ZNF197: variants seen among roughly 807,000 people sequenced by gnomAD.
ZNF197 encodes the protein zinc finger protein 197, also known as VHL-associated KRAB-A domain-containing protein.
In ZNF197, 14 loss-of-function variants were observed where a neutral mutation model predicts 27.4. That is an observed-to-expected ratio of 0.51 (90% CI 0.34 to 0.80). The LOEUF (loss-of-function observed/expected upper bound fraction) is 0.80, where lower values mean the gene tolerates loss of function less well. Among genes scored for constraint, ZNF197 ranks in the 30% least tolerant of loss-of-function variants. The pLI is 0.02. For synonymous variants in ZNF197, 415 were observed against 420.0 expected (o/e 0.99, Z 0.15); for missense variants, 1,090 against 1,222.6 (o/e 0.89, Z 1.62).
chr3:44,638,755 G>C (rs982409695), intron 5 of ZNF197, among the ~76,000 whole-genome samples: 4 of 152,162 alleles, frequency 2.6e-5, no homozygotes, highest in African/African-American at 9.7e-5. Flanking sequence ...GTGCAGTGGC[G>C]TGATCACGGC....
rs762482952 is a variant in ZNF197, at chr3:44,641,922, TGAG to T, written c.797_799del (p.Glu266del). ...CAGAATGGGAGACCATGACCGAGAA[TGAG>T]GAGGTGACATCAAAGCCAAGTAGTT... On this transcript the variant is annotated inframe_deletion, in exon 6 of 6. Transcript: ENST00000344387. 2.5e-6 allele frequency: 4 copies of T among 1,598,470 alleles called. No homozygotes were observed. Among genetic ancestry groups the T allele is most frequent in the Non-Finnish European group, 1.7e-6 (2 of 1,173,168 alleles).
Position 44,644,357 on chromosome 3 carries a change from G to C in ZNF197, c.*137G>C. 3 of 1,409,656 alleles carry C rather than the reference G, an allele frequency of 2.1e-6. No homozygotes were observed. In the South Asian group the frequency reaches 5.0e-5, roughly 24 times the overall value. The allele number at this position is 1,409,656 out of a possible 1,614,324, so 87.3% of individuals were successfully genotyped here. A position where few individuals can be genotyped will look rare whatever the true frequency, so the allele number is the denominator to read the frequency against. On this transcript the variant is annotated 3_prime_UTR_variant, in exon 6 of 6. Coordinates refer to ENST00000344387, the MANE Select transcript of ZNF197 (RefSeq NM_006991.5). The stretch of plus-strand genomic sequence containing the variant: ...AGTAGCATATAGAAGAAAGTTAATA[G>C]GCCGGGCTTGGTGGCTCATGCCTGT...
Position 44,646,491 on chromosome 3 carries a change from G to A in ZNF197, c.*2271G>A, listed in dbSNP as rs1322542356. ...CAAGCTTCTTGGACCTCATTGCCAG[G>A]TTACAGGAAATACAGGAGGCAGAGG... On this transcript the variant is annotated 3_prime_UTR_variant, in exon 6 of 6. Coordinates refer to ENST00000344387, the MANE Select transcript of ZNF197 (RefSeq NM_006991.5). 1.3e-6 allele frequency: 2 copies of A among 1,598,716 alleles called. No homozygotes were observed. The highest frequency in any genetic ancestry group is 4.5e-5 in the East Asian group (2 of 44,786).
chr3:44,643,034 C>T lies in ZNF197; in HGVS notation c.1904C>T (p.Ala635Val). The part of the protein sequence containing the change: ...TECGKAFTQS[A>V]YLFDHQRLHN... ...TGTGGGAAAGCCTTTACTCAAAGTG[C>T]TTACCTTTTTGACCACCAGAGACTC... The change falls in exon 6 of 6, where the codon GCT (alanine) becomes GTT (valine). Residue 635 changes from alanine (A) to valine (V), a missense_variant. Coordinates refer to ENST00000344387, the MANE Select transcript of ZNF197 (RefSeq NM_006991.5). 1.9e-6 allele frequency: 3 copies of T among 1,613,888 alleles called. No individual in the cohort carries two copies. Among genetic ancestry groups the T allele is most frequent in the Non-Finnish European group, 1.7e-6 (2 of 1,179,956 alleles).
chr3:44,631,439 C>T (rs545755984), intron 3 of ZNF197, among the ~76,000 whole-genome samples: 3 of 150,746 alleles, frequency 2.0e-5, no homozygotes, highest in African/African-American at 2.4e-5. Flanking sequence ...CTCGCTCTGT[C>T]GCCCAGGCTG....
chr3:44,645,000 G>T lies in ZNF197; in HGVS notation c.*780G>T. On this transcript the variant is annotated 3_prime_UTR_variant, in exon 6 of 6. Coordinates refer to ENST00000344387, the MANE Select transcript of ZNF197 (RefSeq NM_006991.5). ...CAGACAGTATGATCCAGAATGTCAG[G>T]TGTGGAGTTGGGCGGACAAGAGTCT... The T allele has an allele frequency of 1.0e-6, 1 of 985,472 alleles. No homozygotes were observed. The highest frequency in any genetic ancestry group is 4.7e-5 in the South Asian group (1 of 21,290). The allele number at this position is 985,472 out of a possible 1,614,324, so 61.0% of individuals were successfully genotyped here.
chr3:44,625,879 CTG>C (rs748422830), intron 1 of ZNF197, among the ~76,000 whole-genome samples: 2 of 152,070 alleles, frequency 1.3e-5, no homozygotes, highest in East Asian at 1.9e-4. Flanking sequence ...TGTTTGGAAA[CTG>C]TTGTTTTAGA....
intron 1 of ZNF197, 54 bp downstream of exon 1, chr3:44,625,197 C>G (rs1418615475): frequency 2.0e-5 from 3 of 152,228 alleles, no homozygotes; most frequent in Non-Finnish European, 4.4e-5. Context: ...CGGCCCGGGA[C>G]GCGGGCCTGA....
At chr3:44,632,264 C>A in intron 4 of ZNF197, 68 bp downstream of exon 4, 1 of 1,571,786 alleles carries the variant, frequency 6.4e-7, no homozygotes, top group South Asian at 1.1e-5. Flanking sequence ...CCTCTCTCAT[C>A]CTTGTGCTTC....
chr3:44,644,051 C>G lies in ZNF197; in HGVS notation c.2921C>G (p.Thr974Ser). The G allele has an allele frequency of 6.2e-7, 1 of 1,614,082 alleles. No individual in the cohort carries two copies. The highest frequency in any genetic ancestry group is 2.2e-5 in the East Asian group (1 of 44,868). The change falls in exon 6 of 6, where the codon ACT becomes AGT. Residue 974 changes from threonine (T) to serine (S), a missense_variant. Transcript: ENST00000344387. Reference sequence around the variant, plus strand: ...GTTTTTAGGCAAAGAAAAAACCTTACTGTACATCAGAAAATCCACACAGAT... The same window carrying G: ...GTTTTTAGGCAAAGAAAAAACCTTAGTGTACATCAGAAAATCCACACAGAT... ...SKVFRQRKNL[T>S]VHQKIHTDEK...
chr3:44,631,406 C>G (rs1197297722), intron 3 of ZNF197, among the ~76,000 whole-genome samples, 185 bp downstream of exon 3: 1 of 151,864 alleles, frequency 6.6e-6, no homozygotes, highest in Non-Finnish European at 1.5e-5. Flanking sequence ...ATACATCCCC[C>G]CTTTTTTTTT....
At chr3:44,638,766 T>C (rs958591134) in intron 5 of ZNF197, among the ~76,000 whole-genome samples, 3 of 152,234 alleles carry the variant, frequency 2.0e-5, no homozygotes, top group African/African-American at 7.2e-5. Context: ...TGATCACGGC[T>C]CACTACATCC....
At position 44,645,672 on chromosome 3, in the gene ZNF197, T is replaced by G. The variant is rs1269902923; in HGVS notation, c.*1452T>G. The G allele has an allele frequency of 2.0e-6, 2 of 985,446 alleles. No homozygotes were observed. The highest frequency in any genetic ancestry group is 2.4e-6 in the Non-Finnish European group (2 of 829,942). The allele number at this position is 985,446 out of a possible 1,614,324, so 61.0% of individuals were successfully genotyped here. On this transcript the variant is annotated 3_prime_UTR_variant, in exon 6 of 6. Transcript: ENST00000344387. ...AGCTGATGATCCCTGCCACAGTCAT[T>G]GTGAATTCTAATCAATATTTCATCA...
rs1702680288 is a variant in ZNF197 at position 44,642,614 on chromosome 3, C to G, written c.1484C>G (p.Ala495Gly). 6.2e-7 allele frequency: 1 copy of G among 1,613,912 alleles called. No individual in the cohort carries two copies. The stretch of plus-strand genomic sequence containing the variant: ...TGTGGGAAAGTCTTCTCTCAGAATG[C>G]TTACCTCATTGACCATCAGAGGCTC... ...NECGKVFSQN[A>G]YLIDHQRLHK... is the part of the protein sequence containing the mutation. The change falls in exon 6 of 6, where the codon GCT becomes GGT. Residue 495 changes from alanine (A) to glycine (G), a missense_variant. By Grantham distance (60) the Ala-to-Gly change is moderately conservative (BLOSUM62 0). Transcript: ENST00000344387.
At chr3:44,633,883 G>C (rs764812785) in intron 5 of ZNF197, among the ~76,000 whole-genome samples, 3 of 152,004 alleles carry the variant, frequency 2.0e-5, no homozygotes, top group Non-Finnish European at 4.4e-5. Flanking sequence ...AGTACTTTTT[G>C]TTTGTGTTAA....
In ZNF197 at chr3:44,640,079, T is replaced by C. The variant is rs76300291; in HGVS notation, c.770-1821T>C. ...TCAGTGGTAGGAAAGCCTGTGTCTC[T>C]TTCTTGCAGGCTTCATTCACCAAAG... On this transcript the variant is annotated intron_variant, in intron 5 of 5. Coordinates refer to ENST00000344387, the MANE Select transcript of ZNF197 (RefSeq NM_006991.5). This position sits in a 1 kb window ranked among gnomAD's most constrained non-coding sequence, Gnocchi z 4.0. Among the ~76,000 whole-genome samples, 1,340 of 152,306 alleles carry C rather than the reference T, an allele frequency of 8.8e-3. 22 individuals carry two copies. Among genetic ancestry groups the C allele is most frequent in the African/African-American group, 0.031 (1,282 of 41,556 alleles).
Position 44,646,618 on chromosome 3 carries a change from A to G in ZNF197, c.*2398A>G, listed in dbSNP as rs1702974061. 7.7e-6 allele frequency: 6 copies of G among 779,130 alleles called. No individual in the cohort carries two copies. The highest frequency in any genetic ancestry group is 1.4e-5 in the Non-Finnish European group (6 of 443,488). The allele number at this position is 779,130 out of a possible 1,614,324, so 48.3% of individuals were successfully genotyped here. A position where few individuals can be genotyped will look rare whatever the true frequency, so the allele number is the denominator to read the frequency against. ...TCAAAATATTATTATGATGAAAAAGAGAGGGGAGTGAAAATTGTTCAAGCT... is the reference window on the plus strand; with the variant it reads ...TCAAAATATTATTATGATGAAAAAGGGAGGGGAGTGAAAATTGTTCAAGCT... On this transcript the variant is annotated 3_prime_UTR_variant, in exon 6 of 6. Coordinates refer to ENST00000344387, the MANE Select transcript of ZNF197 (RefSeq NM_006991.5).
At position 44,631,848 on chromosome 3, in the gene ZNF197, G is replaced by C. The variant is rs576159140; in HGVS notation, c.551-257G>C. Among the ~76,000 whole-genome samples the C allele has an allele frequency of 2.5e-3, 386 of 152,018 alleles. 2 individuals are homozygous for C. Among genetic ancestry groups the C allele is most frequent in the Non-Finnish European group, 4.7e-3 (319 of 67,978 alleles). On this transcript the variant is annotated intron_variant, in intron 3 of 5. Coordinates refer to ENST00000344387, the MANE Select transcript of ZNF197 (RefSeq NM_006991.5). Reference sequence around the variant, plus strand: ...CCCGAGTACCTGGGACTACAGGCACGTGCCACCACGCCCAGCTAATTTTTT... The same window carrying C: ...CCCGAGTACCTGGGACTACAGGCACCTGCCACCACGCCCAGCTAATTTTTT...
rs1702926911 is a variant in ZNF197, at chr3:44,645,864, G to A, written c.*1644G>A. On this transcript the variant is annotated 3_prime_UTR_variant, in exon 6 of 6. Coordinates refer to ENST00000344387, the MANE Select transcript of ZNF197 (RefSeq NM_006991.5). ...CATTACCCCCTGTGAACCATTCTGT[G>A]CCCTTGAGTACATTTGTGGGTTTAA... 1.0e-6 allele frequency: 1 copy of A among 985,274 alleles called. No homozygotes were observed. The highest frequency in any genetic ancestry group is 1.2e-6 in the Non-Finnish European group (1 of 829,938). The allele number at this position is 985,274 out of a possible 1,614,324, so 61.0% of individuals were successfully genotyped here. A position where few individuals can be genotyped will look rare whatever the true frequency, so the allele number is the denominator to read the frequency against.
Sources: allele counts gnomAD v4.1 joint callset (sites outside exome capture counted in the v4.1 genomes callset), GRCh38; gene constraint gnomAD v4.1.1; non-coding constraint Gnocchi (gnomAD v3.1); transcripts MANE v1.5; gene names NCBI Gene and HGNC (gene_info 2026-07-23, HGNC 2026-07-21).